Variants in CARD9 observed in about 807,000 individuals in gnomAD.
The protein encoded by CARD9 is caspase recruitment domain-containing protein 9.
Under a neutral mutation model 66.0 loss-of-function variants are expected in CARD9, and 53 were observed. The observed-to-expected ratio is 0.80, with a 90% CI of 0.64 to 1.01. CARD9 has a LOEUF of 1.01. CARD9 is among the 50% of genes least tolerant of loss of function. The probability of loss-of-function intolerance (pLI) is 0.00; values close to 1 mark genes in which losing one functional copy is unlikely to be tolerated. For synonymous variants in CARD9, 387 were observed against 313.8 expected, an observed-to-expected ratio of 1.23 and a Z score of -2.47; for missense variants, 769 against 743.2, an observed-to-expected ratio of 1.03 and a Z score of -0.40.
At chr9:136,364,592 G>C in intron 11 of CARD9, 33 bp from the exon 12 acceptor site, 1 of 1,530,610 alleles carries the variant, frequency 6.5e-7, no homozygotes, top group Non-Finnish European at 8.8e-7. Flanking sequence ...GCTCCGGCCG[G>C]CTCCCCTGAG....
chr9:136,364,780 G>A (rs1833078424), intron 11 of CARD9: 1 of 609,506 alleles, frequency 1.6e-6, no homozygotes, highest in Non-Finnish European at 2.9e-6. Flanking sequence ...ACACCCAGGA[G>A]GCCAAGCCAC....
Position 136,370,651 on chromosome 9 carries a change from C to A in CARD9, c.678G>T (p.Val226=). ...SLMKAEDDCK[V]ERKHTLKLRH... is the part of the protein sequence containing the mutation. ...TGAGCTTCAGCGTGTGCTTGCGCTC[C>A]ACCTTGCAGTCGTCCTCGGCCTTCA... The change falls in exon 5 of 13, where the codon GTG becomes GTT. Residue 226 remains valine, a synonymous_variant. Coordinates refer to ENST00000371732, the MANE Select transcript of CARD9 (RefSeq NM_052813.5). 6.2e-7 allele frequency: 1 copy of A among 1,612,792 alleles called. No homozygotes were observed. Among genetic ancestry groups the A allele is most frequent in the Non-Finnish European group, 8.5e-7 (1 of 1,179,916 alleles).
At chr9:136,371,507 A>G in intron 2 of CARD9, 46 bp from the exon 3 acceptor site, 4 of 700,324 alleles carry the variant, frequency 5.7e-6, no homozygotes, top group East Asian at 4.8e-5. Flanking sequence ...CAGGCGAGGC[A>G]GAGGGCTGGG....
intron 1 of CARD9, among the ~76,000 whole-genome samples, chr9:136,372,384 C>T (rs1001634738): frequency 1.3e-5 from 2 of 152,228 alleles, no homozygotes; most frequent in East Asian, 1.9e-4. Flanking sequence ...CACCCAGATA[C>T]GCAGCGGGGG....
At chr9:136,367,348 G>A in intron 8 of CARD9, 91 bp from the exon 9 acceptor site, 1 of 1,434,340 alleles carries the variant, frequency 7.0e-7, no homozygotes, top group Non-Finnish European at 9.6e-7. Flanking sequence ...GATCCTCCAG[G>A]GAGCCCTGGG....
chr9:136,370,225 TG>T (rs1191246098), intron 6 of CARD9, 68 bp downstream of exon 6: 2 of 1,561,158 alleles, frequency 1.3e-6, no homozygotes, highest in African/African-American at 2.7e-5. Context: ...AGGCACGGAG[TG>T]GGCGGAGCTC....
At position 136,364,365 on chromosome 9, in the gene CARD9, C is replaced by T; in HGVS notation, c.1548G>A (p.Arg516=). ...TGTTCTCCCGGTCCTCCTCCCCCTG[C>T]CGCCATCCTTTCTGCATCTTCCTGA... The part of the protein sequence containing the change: ...RALRKMQKGW[R]QGEEDRENTT... The change falls in exon 13 of 13, where the codon CGG becomes CGA. Residue 516 remains arginine, a synonymous_variant. Transcript: ENST00000371732. 6.4e-7 allele frequency: 1 copy of T among 1,569,216 alleles called. No individual in the cohort carries two copies. Among genetic ancestry groups the T allele is most frequent in the Non-Finnish European group, 8.6e-7 (1 of 1,159,004 alleles).
At position 136,371,644 on chromosome 9, in the gene CARD9, G is replaced by A. The variant is rs939647964; in HGVS notation, c.185-183C>T. ...GCTGGGGACCAAGTGCTGCCCACCC[G>A]CCCCTTGGCTGTCTCAGGAGCCCCC... On this transcript the variant is annotated intron_variant, in intron 2 of 12. Transcript: ENST00000371732. 1.1e-4 allele frequency among the ~76,000 whole-genome samples: 17 copies of A among 152,140 alleles called. No individual in the cohort carries two copies. The East Asian group carries it at 1.5e-3, about 14-fold the overall frequency.
At chr9:136,364,849 T>A (rs1833080953) in intron 11 of CARD9, 1 of 595,608 alleles carries the variant, frequency 1.7e-6, no homozygotes, top group Non-Finnish European at 3.0e-6. Context: ...TGGTGCTTGC[T>A]CTCAGGACTC....
chr9:136,367,873 T>C (rs1356753381), intron 7 of CARD9, 45 bp from the exon 8 acceptor site: 6 of 1,568,336 alleles, frequency 3.8e-6, no homozygotes, highest in South Asian at 1.1e-5. Flanking sequence ...GGCCCCAAGC[T>C]TGCCCTGGGC....
At chr9:136,373,421 T>C (rs954888184) in intron 1 of CARD9, 111 bp downstream of exon 1, 15 of 863,938 alleles carry the variant, frequency 1.7e-5, no homozygotes, top group Non-Finnish European at 2.1e-5. Context: ...GGAGGCTGCC[T>C]GGCTGCCTGT....
At chr9:136,366,908 T>C (rs1424773441) in intron 9 of CARD9, 63 bp from the exon 10 acceptor site, 2 of 1,577,094 alleles carry the variant, frequency 1.3e-6, no homozygotes, top group Admixed American at 3.3e-5. Context: ...CCGGCCACAC[T>C]GCCCACCCCA....
At chr9:136,371,817 G>C in intron 2 of CARD9, 78 bp downstream of exon 2, 1 of 1,542,858 alleles carries the variant, frequency 6.5e-7, no homozygotes, top group South Asian at 1.2e-5. Context: ...TGAGGGTCAG[G>C]GTGGCAGAGC....
At position 136,371,890 on chromosome 9, in the gene CARD9, C is replaced by A. The variant is rs759352089; in HGVS notation, c.184+5G>T. On this transcript the variant is annotated splice_donor_5th_base_variant and intron_variant, in intron 2 of 12. Transcript: ENST00000371732. Reference sequence around the variant, plus strand: ...GGGGCCTGGGGCCCGCGGGGCAACACTGACCCACTTTCCGTTTGCGGATGA... The same window carrying A: ...GGGGCCTGGGGCCCGCGGGGCAACAATGACCCACTTTCCGTTTGCGGATGA... 1 of 1,595,936 alleles carries A rather than the reference C, an allele frequency of 6.3e-7. No homozygotes were observed. The highest frequency in any genetic ancestry group is 1.1e-5 in the South Asian group (1 of 89,564).
chr9:136,364,572 G>T lies in CARD9; in HGVS notation c.1435-13C>A. ...TCAGGCCTGCGTCCTGGAGAAGGGGGAAGGCTCGGGCTCCGGCCGGCTCCC... is the reference window on the plus strand; with the variant it reads ...TCAGGCCTGCGTCCTGGAGAAGGGGTAAGGCTCGGGCTCCGGCCGGCTCCC... On this transcript the variant is annotated splice_polypyrimidine_tract_variant and intron_variant, in intron 11 of 12. Transcript: ENST00000371732. 6.5e-7 allele frequency: 1 copy of T among 1,535,886 alleles called. No individual in the cohort carries two copies. The highest frequency in any genetic ancestry group is 8.7e-7 in the Non-Finnish European group (1 of 1,145,264).
Position 136,372,029 on chromosome 9 carries a change from A to G in CARD9, c.50T>C (p.Phe17Ser), listed in dbSNP as rs1833288953. ...DDECWSVLEG[F>S]RVTLTSVIDP... ...GATGACCGAGGTGAGCGTCACCCGG[A>G]AGCCCTCCAGGACGCTCCAGCACTC... is the stretch of plus-strand genomic sequence containing the variant. The change falls in exon 2 of 13, where the codon TTC becomes TCC. Residue 17 changes from phenylalanine to serine, a missense_variant. Phe to Ser is a radical substitution (Grantham distance 155, BLOSUM62 -2). Transcript: ENST00000371732. 3 of 1,612,784 alleles carry G rather than the reference A, an allele frequency of 1.9e-6. No homozygotes were observed. The highest frequency in any genetic ancestry group is 1.7e-6 in the Non-Finnish European group (2 of 1,179,968).
Position 136,370,454 on chromosome 9 carries a change from G to A in CARD9, c.808-17C>T, listed in dbSNP as rs1588724734. ...CTTCCCCTCCTGAAGGGGGCAAAAG[G>A]CAATGGCCTGGCTGGGAAGGCCCCC... is the stretch of plus-strand genomic sequence containing the variant. On this transcript the variant is annotated splice_polypyrimidine_tract_variant and intron_variant, in intron 5 of 12. Coordinates refer to ENST00000371732, the MANE Select transcript of CARD9 (RefSeq NM_052813.5). The A allele has an allele frequency of 6.2e-7, 1 of 1,608,692 alleles. No homozygotes were observed. The highest frequency in any genetic ancestry group is 8.5e-7 in the Non-Finnish European group (1 of 1,178,454).
rs1383238223 is a variant in CARD9 at position 136,371,428 on chromosome 9, T to C, written c.218A>G (p.His73Arg). ...VLLDILQRTG[H>R]KGYVAFLESL... ...CTCGAGGAAGGCCACGTAGCCCTTG[T>C]GGCCGGTCCGCTGCAGGATGTCCAG... Residue 73 changes from histidine (H) to arginine (R), a missense_variant, in exon 3 of 13, where the codon CAC (histidine) becomes CGC (arginine). Coordinates refer to ENST00000371732, the MANE Select transcript of CARD9 (RefSeq NM_052813.5). 1.3e-6 allele frequency: 2 copies of C among 1,527,524 alleles called. No individual in the cohort carries two copies. The highest frequency in any genetic ancestry group is 1.4e-5 in the African/African-American group (1 of 72,338). 94.6% of individuals were successfully genotyped at this position (1,527,524 alleles called of 1,614,324 possible).
chr9:136,369,742 G>A lies in CARD9; in HGVS notation c.1077+8C>T. ...GGGGTGCTTTGTCCTGCCCCTGCGA[G>A]TGCCCACCTGGTCCCGCTCAATGGC... On this transcript the variant is annotated splice_region_variant and intron_variant, in intron 7 of 12. Coordinates refer to ENST00000371732, the MANE Select transcript of CARD9 (RefSeq NM_052813.5). 1 of 1,591,718 alleles carries A rather than the reference G, an allele frequency of 6.3e-7. No homozygotes were observed. The highest frequency in any genetic ancestry group is 8.5e-7 in the Non-Finnish European group (1 of 1,169,874).
Sources: gnomAD v4.1 joint callset for allele counts (sites outside exome capture counted in the v4.1 genomes callset) on GRCh38, gnomAD v4.1.1 for gene constraint, MANE v1.5 for transcripts, NCBI Gene and HGNC (gene_info 2026-07-23, HGNC 2026-07-21) for gene names.